Variants in DHX34 observed in about 807,000 individuals in gnomAD.
DHX34 encodes DExH-box helicase 34.
A neutral mutation model predicts 111.1 loss-of-function variants in DHX34; 96 were observed. The ratio of observed to expected loss-of-function variants is 0.86; its 90% CI spans 0.73 to 1.02. The LOEUF (loss-of-function observed/expected upper bound fraction) is 1.02. Ranked by LOEUF, DHX34 falls within the 50% of genes least tolerant of loss-of-function variation. DHX34 has a pLI of 0.00. For synonymous variants in DHX34, 688 were observed against 670.4 expected (o/e 1.03, Z -0.41); for missense variants, 1,560 against 1,579.9 (o/e 0.99, Z 0.21).
rs763858496 is a variant in DHX34, at chr19:47,372,743, C to G, written c.1782C>G (p.Ile594Met). The G allele has an allele frequency of 5.6e-6, 9 of 1,608,522 alleles. No homozygotes were observed. Among genetic ancestry groups the G allele is most frequent in the Admixed American group, 1.7e-5 (1 of 59,294 alleles). ...CCGCCGCTGCAGGGAAGATGCTGAT[C>G]CTGGGCTCCATGTTCAGCCTGGTGG... is the stretch of plus-strand genomic sequence containing the variant. ...PVDVVIGKMLILGSMFSLVEP... is the reference protein window; with the variant it reads ...PVDVVIGKMLMLGSMFSLVEP... Residue 594 changes from isoleucine (I) to methionine (M), a missense_variant, in exon 8 of 17, where the codon ATC becomes ATG. Coordinates refer to ENST00000328771, the MANE Select transcript of DHX34 (RefSeq NM_014681.6).
In DHX34 at chr19:47,372,873, G is replaced by T; in HGVS notation, c.1912G>T (p.Asp638Tyr). 2 of 1,609,912 alleles carry T rather than the reference G, an allele frequency of 1.2e-6. No homozygotes were observed. Among genetic ancestry groups the T allele is most frequent in the Non-Finnish European group, 1.7e-6 (2 of 1,179,592 alleles). Residue 638 changes from aspartate to tyrosine, a missense_variant, in exon 8 of 17, where the codon GAC becomes TAC. Transcript: ENST00000328771. ...GGCAGCACGGCGGCCGCTGGAGAGC[G>T]ACCAGGGTGACCCCTTCACGCTCTT... ...CAAARRPLES[D>Y]QGDPFTLFNV...
Position 47,381,253 on chromosome 19 carries a change from C to A in DHX34, c.3227C>A (p.Ala1076Glu). 1 of 1,614,068 alleles carries A rather than the reference C, an allele frequency of 6.2e-7. No individual in the cohort carries two copies. The change falls in exon 16 of 17, where the codon GCG becomes GAG. Residue 1076 changes from alanine (A) to glutamate (E), a missense_variant. Transcript: ENST00000328771. ...ACCTGCCCCCACTGTGGCCTGCATG[C>A]GCCCCTCACGCCCCTGGAGCGCATC... Reference protein sequence around the residue: ...FWTCPHCGLHAPLTPLERIAH... With the variant: ...FWTCPHCGLHEPLTPLERIAH...
chr19:47,372,400 C>T (rs1200078383), intron 7 of DHX34, among the ~76,000 whole-genome samples: 1 of 152,006 alleles, frequency 6.6e-6, no homozygotes, highest in Non-Finnish European at 1.5e-5. Flanking sequence ...AGCATCAGAG[C>T]GCTGGGGGAG....
chr19:47,372,840 G>T lies in DHX34; in HGVS notation c.1879G>T (p.Glu627Ter), dbSNP rs965315074. ...PFTRSAQSSP[E>*]CAAARRPLES... The stretch of plus-strand genomic sequence containing the variant: ...CACCCGCAGCGCCCAGAGCAGCCCA[G>T]AGTGCGCGGCAGCACGGCGGCCGCT... The change falls in exon 8 of 17, where the codon GAG (glutamate) becomes TAG (stop). Residue 627 changes from glutamate (E) to a stop codon, truncating the protein, a stop_gained. Coordinates refer to ENST00000328771, the MANE Select transcript of DHX34 (RefSeq NM_014681.6). LOFTEE classifies it high-confidence loss of function. The T allele has an allele frequency of 1.2e-6, 2 of 1,612,168 alleles. No homozygotes were observed. Among genetic ancestry groups the T allele is most frequent in the Non-Finnish European group, 1.7e-6 (2 of 1,179,362 alleles).
At chr19:47,379,565 T>C in intron 13 of DHX34, 145 bp from the exon 14 acceptor site, 1 of 1,467,468 alleles carries the variant, frequency 6.8e-7, no homozygotes, top group South Asian at 1.4e-5. Flanking sequence ...AAGGGGTGCC[T>C]GGTACAGCGG....
chr19:47,365,114 C>T (rs1382841343), intron 6 of DHX34, among the ~76,000 whole-genome samples: 1 of 152,034 alleles, frequency 6.6e-6, no homozygotes, highest in Non-Finnish European at 1.5e-5. Flanking sequence ...GTGGCATTGC[C>T]TGAGTTGATC....
intron 2 of DHX34, 148 bp from the exon 3 acceptor site, chr19:47,354,891 T>C (rs1311428799): frequency 3.3e-5 from 46 of 1,403,980 alleles, no homozygotes; most frequent in Non-Finnish European, 4.2e-5. Flanking sequence ...CTACCTCAGG[T>C]GATCCGCCCG....
Position 47,376,095 on chromosome 19 carries a change from C to T in DHX34, c.2479C>T (p.Gln827Ter), listed in dbSNP as rs372721876. 6 of 1,554,636 alleles carry T rather than the reference C, an allele frequency of 3.9e-6. No individual in the cohort carries two copies. The African/African-American group carries it at 8.3e-5, about 21-fold the overall frequency. ...AFNSSRKDSDQIFHTQAKQGA... is the reference protein window; with the variant it reads ...AFNSSRKDSD ...CAACAGCAGCCGAAAGGACTCAGAC[C>T]AGGTGGGGCCTGTTCTGCCCCATCC... Residue 827 changes from glutamine (Q) to a stop codon, truncating the protein, a stop_gained and splice_region_variant, in exon 11 of 17, where the codon CAG becomes TAG. Transcript: ENST00000328771. LOFTEE classifies it high-confidence loss of function.
In DHX34 at chr19:47,376,515, C is replaced by G. The variant is rs1247235619; in HGVS notation, c.2554C>G (p.Leu852Val). 2.5e-6 allele frequency: 4 copies of G among 1,593,044 alleles called. No individual in the cohort carries two copies. Among genetic ancestry groups the G allele is most frequent in the Non-Finnish European group, 3.4e-6 (4 of 1,170,404 alleles). ...TCVFAGSPEV[L>V]HAQELEASNC... ...CGTCTTCGCTGGCAGCCCCGAGGTG[C>G]TGCACGCACAGGAGCTGGAGGCCAG... is the stretch of plus-strand genomic sequence containing the variant. Residue 852 changes from leucine to valine, a missense_variant, in exon 12 of 17, where the codon CTG (leucine) becomes GTG (valine). By Grantham distance (32) the Leu-to-Val change is conservative. Coordinates refer to ENST00000328771, the MANE Select transcript of DHX34 (RefSeq NM_014681.6).
At position 47,375,482 on chromosome 19, in the gene DHX34, A is replaced by G. The variant is rs1214773658; in HGVS notation, c.2081A>G (p.His694Arg). 1.3e-6 allele frequency: 2 copies of G among 1,581,606 alleles called. No individual in the cohort carries two copies. The highest frequency in any genetic ancestry group is 2.3e-5 in the South Asian group (2 of 87,888). The change falls in exon 10 of 17, where the codon CAC (histidine) becomes CGC (arginine). Residue 694 changes from histidine (H) to arginine (R), a missense_variant. Transcript: ENST00000328771. ...TGCCCCTAGGAGCTGTTGGAGGACC[A>G]CGGGCTGCTGGCTGGGGCCCAGGCC... Reference protein sequence around the residue: ...RRQFKELLEDHGLLAGAQAAQ... With the variant: ...RRQFKELLEDRGLLAGAQAAQ...
intron 7 of DHX34, among the ~76,000 whole-genome samples, chr19:47,372,066 G>A (rs117534098): frequency 0.02 from 3,055 of 150,704 alleles, 45 homozygotes; most frequent in Middle Eastern, 0.041. Flanking sequence ...GGTGAGACTC[G>A]GCCACCCTGG....
intron 8 of DHX34, among the ~76,000 whole-genome samples, chr19:47,373,140 G>C (rs1970024060): frequency 6.6e-6 from 1 of 152,238 alleles, no homozygotes. Flanking sequence ...GAGGAGCCTG[G>C]GGTTTCTGAA....
chr19:47,381,571 C>T (rs867806814), intron 16 of DHX34: 5 of 606,406 alleles, frequency 8.2e-6, no homozygotes, highest in African/African-American at 3.7e-5. Context: ...GTCTTTGTCT[C>T]TGTTTCTGTC....
In DHX34 at chr19:47,376,021, T is replaced by A. The variant is rs765693406; in HGVS notation, c.2405T>A (p.Leu802Gln). ...LSREQLALLK[L>Q]VLGRGLYPQL... ...CGCGAGCAGCTGGCTCTGCTGAAGCTGGTGCTGGGCCGGGGCCTGTACCCA... is the reference window on the plus strand; with the variant it reads ...CGCGAGCAGCTGGCTCTGCTGAAGCAGGTGCTGGGCCGGGGCCTGTACCCA... Residue 802 changes from leucine (L) to glutamine (Q), a missense_variant, in exon 11 of 17, where the codon CTG (leucine) becomes CAG (glutamine). Coordinates refer to ENST00000328771, the MANE Select transcript of DHX34 (RefSeq NM_014681.6). 2 of 1,605,458 alleles carry A rather than the reference T, an allele frequency of 1.2e-6. No homozygotes were observed. The highest frequency in any genetic ancestry group is 1.7e-6 in the Non-Finnish European group (2 of 1,177,358).
At position 47,382,084 on chromosome 19, in the gene DHX34, GT is replaced by G; in HGVS notation, c.3404del (p.Val1135GlyfsTer22). On this transcript the variant is annotated frameshift_variant, in exon 17 of 17. Coordinates refer to ENST00000328771, the MANE Select transcript of DHX34 (RefSeq NM_014681.6). LOFTEE classifies it high-confidence loss of function. ...GGACTTCCTCTTTACACCCACAGAG[GT>G]GCTGCGCCACCGGAAGCAGCACGTG... ...GKDFLFTPTE[V>X]LRHRKQHV 6.2e-7 allele frequency: 1 copy of G among 1,614,054 alleles called. No homozygotes were observed. Among genetic ancestry groups the G allele is most frequent in the Middle Eastern group, 1.7e-4 (1 of 6,058 alleles).
intron 3 of DHX34, among the ~76,000 whole-genome samples, 162 bp downstream of exon 3, chr19:47,355,512 G>A (rs62130469): frequency 0.03 from 4,500 of 152,192 alleles, 105 homozygotes; most frequent in Non-Finnish European, 0.046. Flanking sequence ...TAATCAGCTG[G>A]TTAGAGTGCT....
At position 47,377,116 on chromosome 19, in the gene DHX34, G is replaced by A. The variant is rs758520038; in HGVS notation, c.2616G>A (p.Met872Ile). ...CDGSRDDKDK[M>I]SSKHQLLSFV... ...ACCTTTCAGACGACAAGGACAAGATGAGCAGCAAACACCAGCTCCTCAGCT... is the reference window on the plus strand; with the variant it reads ...ACCTTTCAGACGACAAGGACAAGATAAGCAGCAAACACCAGCTCCTCAGCT... The change falls in exon 13 of 17, where the codon ATG becomes ATA. Residue 872 changes from methionine (M) to isoleucine (I), a missense_variant. Met to Ile is a conservative substitution (Grantham distance 10). Transcript: ENST00000328771. The A allele has an allele frequency of 1.2e-6, 2 of 1,614,006 alleles. No individual in the cohort carries two copies. Among genetic ancestry groups the A allele is most frequent in the East Asian group, 2.2e-5 (1 of 44,874 alleles).
rs745487735 is a variant in DHX34, at chr19:47,377,190, G to T, written c.2690G>T (p.Arg897Leu). The T allele has an allele frequency of 4.3e-6, 7 of 1,613,254 alleles. No individual in the cohort carries two copies. Among genetic ancestry groups the T allele is most frequent in the Non-Finnish European group, 5.1e-6 (6 of 1,179,754 alleles). Residue 897 changes from arginine (R) to leucine (L), a missense_variant, in exon 13 of 17, where the codon CGC (arginine) becomes CTC (leucine). By Grantham distance (102) the Arg-to-Leu change is moderately radical. Coordinates refer to ENST00000328771, the MANE Select transcript of DHX34 (RefSeq NM_014681.6). ...TNKPYLVNCV[R>L]IPALQSLLLF... The stretch of plus-strand genomic sequence containing the variant: ...AAGCCGTACCTGGTGAACTGCGTCC[G>T]CATCCCTGCCCTCCAGGTGGGCCTC...
chr19:47,378,456 G>C (rs999252448), intron 13 of DHX34, among the ~76,000 whole-genome samples: 1 of 152,168 alleles, frequency 6.6e-6, no homozygotes, highest in African/African-American at 2.4e-5. Context: ...CACGCAGGCC[G>C]AGGGACAGAG....
Sources: gnomAD v4.1 joint callset for allele counts (sites outside exome capture counted in the v4.1 genomes callset) on GRCh38, gnomAD v4.1.1 for gene constraint, MANE v1.5 for transcripts, NCBI Gene and HGNC (gene_info 2026-07-23, HGNC 2026-07-21) for gene names.